Variants in MTHFD2L observed in about 807,000 individuals in gnomAD.
The protein encoded by MTHFD2L is bifunctional methylenetetrahydrofolate dehydrogenase/cyclohydrolase 2, mitochondrial.
MTHFD2L carries 29 observed loss-of-function variants against 34.9 expected under a neutral mutation model. The ratio of observed to expected loss-of-function variants is 0.83; its 90% CI spans 0.62 to 1.13. The LOEUF (loss-of-function observed/expected upper bound fraction) is 1.13. Ranked by LOEUF, MTHFD2L falls within the 50% of genes most tolerant of loss-of-function variation. The probability of loss-of-function intolerance (pLI) is 0.00; values close to 1 mark genes in which losing one functional copy is unlikely to be tolerated. For synonymous variants in MTHFD2L, 167 were observed against 155.7 expected (o/e 1.07, Z -0.54); for missense variants, 481 against 446.5 (o/e 1.08, Z -0.70).
chr4:74,272,319 A>G (rs1340789699), intron 6 of MTHFD2L, among the ~76,000 whole-genome samples: 1 of 152,132 alleles, frequency 6.6e-6, no homozygotes, highest in Non-Finnish European at 1.5e-5. Flanking sequence ...CCTGCATAGT[A>G]TGTTTATTCC....
At chr4:74,275,938 G>A (rs534157180) in intron 6 of MTHFD2L, among the ~76,000 whole-genome samples, 3 of 152,198 alleles carry the variant, frequency 2.0e-5, no homozygotes, top group African/African-American at 7.2e-5. Context: ...CTGTGCAGAA[G>A]CACTTTAGTT....
At chr4:74,130,492 G>A (rs868692146) in intron 1 of MTHFD2L, among the ~76,000 whole-genome samples, 9 of 152,064 alleles carry the variant, frequency 5.9e-5, no homozygotes, top group Non-Finnish European at 2.9e-5. Flanking sequence ...AAAACCACAC[G>A]ATTATCTCAA....
chr4:74,248,107 T>G (rs892496942), intron 6 of MTHFD2L, among the ~76,000 whole-genome samples: 19 of 151,722 alleles, frequency 1.3e-4, no homozygotes, highest in Non-Finnish European at 4.4e-5. Context: ...ATCCATCTGG[T>G]CCTGGACTCT....
chr4:74,117,877 C>T (rs2109766374), intron 2 of MTHFD2L, among the ~76,000 whole-genome samples: 1 of 152,334 alleles, frequency 6.6e-6, no homozygotes, highest in East Asian at 1.9e-4. Flanking sequence ...GATGCAAAGT[C>T]CTGTCCATTT....
intron 6 of MTHFD2L, among the ~76,000 whole-genome samples, chr4:74,242,723 C>G (rs191152129): frequency 5.9e-5 from 9 of 152,156 alleles, no homozygotes; most frequent in Admixed American, 6.5e-5. Context: ...TGCTTTATAT[C>G]AAGTGTAAGT....
At chr4:74,228,119 T>C (rs1739456851) in intron 6 of MTHFD2L, among the ~76,000 whole-genome samples, 1 of 152,126 alleles carries the variant, frequency 6.6e-6, no homozygotes, top group African/African-American at 2.4e-5. Flanking sequence ...TTCCAAAAAA[T>C]TACATTTGGG....
At chr4:74,278,192 A>T (rs1378734838) in intron 6 of MTHFD2L, among the ~76,000 whole-genome samples, 1 of 152,148 alleles carries the variant, frequency 6.6e-6, no homozygotes, top group East Asian at 1.9e-4. Context: ...ACTGATTCTA[A>T]CCATTCTTCC....
At chr4:74,223,659 A>G (rs182730879) in intron 5 of MTHFD2L, among the ~76,000 whole-genome samples, 12 of 146,154 alleles carry the variant, frequency 8.2e-5, no homozygotes, top group African/African-American at 2.5e-4. Flanking sequence ...ATATTTTTGT[A>G]TAATATTTGG....
At chr4:74,226,129 A>G (rs536333453) in intron 6 of MTHFD2L, among the ~76,000 whole-genome samples, 6 of 152,280 alleles carry the variant, frequency 3.9e-5, no homozygotes, top group African/African-American at 1.4e-4. Flanking sequence ...TAAAAACATA[A>G]GTGGCATTTC....
intron 1 of MTHFD2L, among the ~76,000 whole-genome samples, chr4:74,142,507 A>T (rs966261025): frequency 3.7e-4 from 56 of 152,220 alleles, no homozygotes; most frequent in African/African-American, 1.3e-3. Context: ...TACGCTGGCA[A>T]CCTGACTTCA....
At chr4:74,264,569 A>G (rs1745065298) in intron 6 of MTHFD2L, among the ~76,000 whole-genome samples, 1 of 152,016 alleles carries the variant, frequency 6.6e-6, no homozygotes, top group Non-Finnish European at 1.5e-5. Flanking sequence ...GTGTTAGAAT[A>G]TATATCCACT....
intron 3 of MTHFD2L, among the ~76,000 whole-genome samples, chr4:74,193,876 T>C (rs1042132510): frequency 6.6e-6 from 1 of 152,188 alleles, no homozygotes; most frequent in African/African-American, 2.4e-5. Context: ...TTTTACTTAT[T>C]CTATTCTGAT....
chr4:74,152,750 C>T lies in MTHFD2L; in HGVS notation c.-296-7305C>T, dbSNP rs567747898. On this transcript the variant is annotated intron_variant, in intron 1 of 7. Transcript: ENST00000433372. ...CCATGTGTTCTGATCGTTCAACTCG[C>T]GCTTATGCATGAGAACATGCAGTGT... 2.6e-5 allele frequency among the ~76,000 whole-genome samples: 4 copies of T among 152,216 alleles called. No individual in the cohort carries two copies. The East Asian group carries it at 7.7e-4, about 29-fold the overall frequency.
At chr4:74,285,109 A>G (rs563213261) in intron 7 of MTHFD2L, among the ~76,000 whole-genome samples, 3 of 151,932 alleles carry the variant, frequency 2.0e-5, no homozygotes, top group Admixed American at 6.6e-5. Context: ...CAAACACTGC[A>G]TGTTCTCATT....
rs978255243 is a variant in MTHFD2L at position 74,175,266 on chromosome 4, C to G, written c.329-15C>G. 6.2e-7 allele frequency: 1 copy of G among 1,609,356 alleles called. No individual in the cohort carries two copies. The highest frequency in any genetic ancestry group is 8.5e-7 in the Non-Finnish European group (1 of 1,177,814). On this transcript the variant is annotated splice_polypyrimidine_tract_variant and intron_variant, in intron 2 of 7. Coordinates refer to ENST00000325278, the MANE Select transcript of MTHFD2L (RefSeq NM_001144978.3). ...CAGTTAGTCAAGTGACCTTCTCTAC[C>G]TGTTTTTCTTCTAGGTATTTGTAGT...
chr4:74,148,419 G>T (rs901081774), intron 1 of MTHFD2L, among the ~76,000 whole-genome samples: 12 of 145,576 alleles, frequency 8.2e-5, no homozygotes, highest in African/African-American at 2.8e-4. Context: ...ACAGAGTTTT[G>T]CTCTGTTGCC....
At chr4:74,269,304 C>T (rs946194790) in intron 6 of MTHFD2L, among the ~76,000 whole-genome samples, 16 of 151,910 alleles carry the variant, frequency 1.1e-4, no homozygotes, top group African/African-American at 2.9e-4. Context: ...CTTCTTTGTG[C>T]GTTAGTGTAT....
intron 6 of MTHFD2L, among the ~76,000 whole-genome samples, chr4:74,264,954 G>T (rs983180284): frequency 1.3e-5 from 2 of 152,104 alleles, no homozygotes; most frequent in African/African-American, 2.4e-5. Flanking sequence ...GAGATATTAA[G>T]ATCTATTGGA....
intron 1 of MTHFD2L, 23 bp from the exon 2 acceptor site, chr4:74,174,483 A>G: frequency 1.4e-6 from 2 of 1,404,942 alleles, no homozygotes; most frequent in Non-Finnish European, 1.9e-6. Context: ...TCTTTTTAGT[A>G]TTTATTGTTT....
Sources: allele counts gnomAD v4.1 joint callset (sites outside exome capture counted in the v4.1 genomes callset), GRCh38; gene constraint gnomAD v4.1.1; transcripts MANE v1.5; gene names NCBI Gene and HGNC (gene_info 2026-07-23, HGNC 2026-07-21).